SLC39A11: variants seen among roughly 807,000 people sequenced by gnomAD.
SLC39A11 encodes zinc transporter ZIP11.
SLC39A11 carries 33 observed loss-of-function variants against 36.1 expected under a neutral mutation model. That is an observed-to-expected ratio of 0.91 (90% confidence interval 0.69 to 1.22). SLC39A11 has a LOEUF of 1.22. Among genes scored for constraint, SLC39A11 ranks in the 50% most tolerant of loss-of-function variants. SLC39A11 has a pLI of 0.00. For missense variants in SLC39A11, 432 were observed against 430.3 expected, an observed-to-expected ratio of 1.00 and a Z score of -0.03; for synonymous variants, 166 against 170.3, an observed-to-expected ratio of 0.97 and a Z score of 0.20.
At chr17:72,851,140 CATT>C (rs2079297031) in intron 5 of SLC39A11, among the ~76,000 whole-genome samples, 1 of 152,136 alleles carries the variant, frequency 6.6e-6, no homozygotes, top group Non-Finnish European at 1.5e-5. Context: ...GTGCCACAGA[CATT>C]CATGGGCCAT....
At chr17:72,803,920 A>G (rs1202206692) in intron 6 of SLC39A11, among the ~76,000 whole-genome samples, 1 of 151,738 alleles carries the variant, frequency 6.6e-6, no homozygotes, top group African/African-American at 2.4e-5. Flanking sequence ...CACACAAGAC[A>G]AACTCTTACA....
At chr17:72,653,095 G>C (rs369320634) in intron 7 of SLC39A11, among the ~76,000 whole-genome samples, 1 of 144,720 alleles carries the variant, frequency 6.9e-6, no homozygotes, top group Non-Finnish European at 1.5e-5. Flanking sequence ...CTCTTCTGTT[G>C]CACGCTTTTT....
At chr17:72,852,786 G>A (rs1277755007) in intron 5 of SLC39A11, among the ~76,000 whole-genome samples, 1 of 152,150 alleles carries the variant, frequency 6.6e-6, no homozygotes, top group Non-Finnish European at 1.5e-5. Context: ...CTAAACATCT[G>A]GGATTTCAAG....
chr17:72,862,454 T>G (rs946854378), intron 5 of SLC39A11, among the ~76,000 whole-genome samples: 1 of 152,140 alleles, frequency 6.6e-6, no homozygotes, highest in East Asian at 1.9e-4. Flanking sequence ...TGGTGAACCC[T>G]AAGAATTAAT....
Position 73,008,796 on chromosome 17 carries a change from G to A in SLC39A11, c.306+22760C>T, listed in dbSNP as rs1425677926. 2.0e-5 allele frequency among the ~76,000 whole-genome samples: 3 copies of A among 152,158 alleles called. No homozygotes were observed. In the East Asian group the frequency reaches 5.8e-4, roughly 29 times the overall value. The stretch of plus-strand genomic sequence containing the variant: ...CGGCCAGGCACAGTGGCTCACGCCT[G>A]TAATCCCAGCACTTTGGGAGGCTGA... On this transcript the variant is annotated intron_variant, in intron 4 of 9. Transcript: ENST00000255559.
At chr17:72,969,265 G>A (rs1179338921) in intron 4 of SLC39A11, among the ~76,000 whole-genome samples, 1 of 152,072 alleles carries the variant, frequency 6.6e-6, no homozygotes, top group East Asian at 1.9e-4. Context: ...GCTAGACACC[G>A]AGCGCCCACC....
At chr17:72,900,994 G>GA (rs769754922) in intron 5 of SLC39A11, among the ~76,000 whole-genome samples, 5 of 149,632 alleles carry the variant, frequency 3.3e-5, no homozygotes, top group South Asian at 2.1e-4. Flanking sequence ...AAAAAAACAC[G>GA]AAAAAAAAAC....
In SLC39A11 at chr17:73,044,422, G is replaced by C. The variant is rs146389153; in HGVS notation, c.148-12708C>G. Among the ~76,000 whole-genome samples the C allele has an allele frequency of 1.2e-3, 183 of 152,322 alleles. 1 individual carries two copies. The highest frequency in any genetic ancestry group is 4.1e-3 in the African/African-American group (172 of 41,576). On this transcript the variant is annotated intron_variant, in intron 3 of 9. Coordinates refer to ENST00000255559, the MANE Select transcript of SLC39A11 (RefSeq NM_139177.4). ...GGATGAATCTCAAAATCATTACACG[G>C]AGTGAAAGAAGACAAACAACAAAAA...
intron 6 of SLC39A11, among the ~76,000 whole-genome samples, chr17:72,771,299 C>T (rs1439042588): frequency 5.4e-5 from 8 of 149,502 alleles, no homozygotes; most frequent in Admixed American, 2.7e-4. Flanking sequence ...TGCAGTGAGC[C>T]GAGATCGTGC....
chr17:72,951,766 C>G (rs532626686), intron 4 of SLC39A11, among the ~76,000 whole-genome samples: 98 of 152,178 alleles, frequency 6.4e-4, no homozygotes, highest in African/African-American at 2.2e-3. Context: ...TGTACTAGCC[C>G]ATTATTAACT....
chr17:72,956,127 A>G (rs2086237136), intron 4 of SLC39A11, among the ~76,000 whole-genome samples: 1 of 152,168 alleles, frequency 6.6e-6, no homozygotes. Context: ...CTCCAATGCC[A>G]CATCTTCCAG....
At chr17:73,088,861 G>T in intron 1 of SLC39A11, 86 bp from the exon 2 acceptor site, 2 of 977,656 alleles carry the variant, frequency 2.0e-6, no homozygotes, top group Non-Finnish European at 3.1e-6. Flanking sequence ...CACCCTGTGT[G>T]GGAGCTGGCC....
At chr17:72,918,631 A>T (rs2083463945) in intron 5 of SLC39A11, among the ~76,000 whole-genome samples, 2 of 152,226 alleles carry the variant, frequency 1.3e-5, no homozygotes, top group Admixed American at 6.5e-5. Flanking sequence ...AACTGGCCCC[A>T]GCTTTCCCAA....
intron 4 of SLC39A11, among the ~76,000 whole-genome samples, chr17:72,990,226 A>T (rs2089067901): frequency 6.6e-6 from 1 of 152,242 alleles, no homozygotes; most frequent in Admixed American, 6.5e-5. Context: ...CAAATAAATT[A>T]TTCCAACCAG....
chr17:72,899,388 T>C (rs1184056658), intron 5 of SLC39A11, among the ~76,000 whole-genome samples: 1 of 152,202 alleles, frequency 6.6e-6, no homozygotes, highest in Non-Finnish European at 1.5e-5. Flanking sequence ...CGTAATTATT[T>C]ACATTGTTTT....
At chr17:73,084,273 G>A (rs2060642740) in intron 3 of SLC39A11, among the ~76,000 whole-genome samples, 1 of 151,656 alleles carries the variant, frequency 6.6e-6, no homozygotes, top group Non-Finnish European at 1.5e-5. Flanking sequence ...CCCCATCTCT[G>A]CAAAAACTCA....
intron 2 of SLC39A11, among the ~76,000 whole-genome samples, chr17:73,088,063 G>A (rs2060793504): frequency 6.6e-6 from 1 of 152,172 alleles, no homozygotes; most frequent in Non-Finnish European, 1.5e-5. Context: ...CCAGCACTGT[G>A]GGAGGCCGAG....
chr17:72,719,712 C>T (rs1022667997), intron 7 of SLC39A11, among the ~76,000 whole-genome samples: 15 of 152,170 alleles, frequency 9.9e-5, no homozygotes, highest in African/African-American at 3.6e-4. Flanking sequence ...CGGGGCCCTC[C>T]CTCCCCCAAG....
chr17:73,047,858 C>T (rs538665140), intron 3 of SLC39A11, among the ~76,000 whole-genome samples: 6 of 147,558 alleles, frequency 4.1e-5, no homozygotes, highest in Admixed American at 6.9e-5. Flanking sequence ...ATCCCAGCTA[C>T]TCAGGAGGCT....
Sources: gnomAD v4.1 joint callset for allele counts (sites outside exome capture counted in the v4.1 genomes callset) on GRCh38, gnomAD v4.1.1 for gene constraint, MANE v1.5 for transcripts, NCBI Gene and HGNC (gene_info 2026-07-23, HGNC 2026-07-21) for gene names.